CNTN5: variants seen among roughly 807,000 people sequenced by gnomAD.
CNTN5 encodes contactin-5.
A neutral mutation model predicts 129.1 loss-of-function variants in CNTN5; 77 were observed. That is an observed-to-expected ratio of 0.60 (90% CI 0.50 to 0.72). The LOEUF is 0.72. CNTN5 is among the 30% of genes least tolerant of loss of function. The pLI, the probability that CNTN5 is intolerant of heterozygous loss-of-function variation, is 0.00. For synonymous variants in CNTN5, 509 were observed against 465.6 expected, an observed-to-expected ratio of 1.09 and a Z score of -1.20; for missense variants, 1,478 against 1,328.8, an observed-to-expected ratio of 1.11 and a Z score of -1.75.
chr11:99,196,550 C>G (rs1004223736), intron 1 of CNTN5, among the ~76,000 whole-genome samples: 6 of 151,982 alleles, frequency 3.9e-5, no homozygotes, highest in African/African-American at 4.8e-5. Context: ...TTCAGTTGTA[C>G]AAGCAAAATT....
chr11:100,184,150 T>C (rs1948224725), intron 13 of CNTN5, among the ~76,000 whole-genome samples: 1 of 152,178 alleles, frequency 6.6e-6, no homozygotes, highest in South Asian at 2.1e-4. Flanking sequence ...CTATTTCCTT[T>C]TTAACATTTA....
intron 6 of CNTN5, 81 bp from the exon 7 acceptor site, chr11:99,915,973 G>T: frequency 9.2e-7 from 1 of 1,092,230 alleles, no homozygotes. Context: ...GATAACGATA[G>T]AAAGTAAGTA....
At chr11:99,353,825 C>G (rs1369706943) in intron 2 of CNTN5, among the ~76,000 whole-genome samples, 5 of 152,150 alleles carry the variant, frequency 3.3e-5, no homozygotes, top group Non-Finnish European at 7.4e-5. Flanking sequence ...TGTGTTTGCA[C>G]TCACCATCAT....
chr11:99,060,333 A>C, intron 1 of CNTN5, among the ~76,000 whole-genome samples: 1 of 152,278 alleles, frequency 6.6e-6, no homozygotes, highest in Middle Eastern at 3.4e-3. Context: ...AGAAATATAC[A>C]GAATTTTAAA....
intron 6 of CNTN5, among the ~76,000 whole-genome samples, chr11:99,869,094 A>T (rs2135802919): frequency 6.6e-6 from 1 of 152,328 alleles, no homozygotes; most frequent in East Asian, 1.9e-4. Context: ...CTTTTTAAAA[A>T]ATAAAACTCG....
chr11:99,711,922 A>C (rs1158308699), intron 3 of CNTN5, among the ~76,000 whole-genome samples: 1 of 152,018 alleles, frequency 6.6e-6, no homozygotes, highest in Non-Finnish European at 1.5e-5. Context: ...TGCTATTGTG[A>C]ATCGTGCTGC....
chr11:99,296,145 G>A (rs1864380245), intron 1 of CNTN5, among the ~76,000 whole-genome samples: 1 of 152,154 alleles, frequency 6.6e-6, no homozygotes. Context: ...GAGAGTAGAA[G>A]CCTTGATCTG....
intron 2 of CNTN5, among the ~76,000 whole-genome samples, chr11:99,359,715 G>C (rs1938968485): frequency 6.6e-6 from 1 of 151,856 alleles, no homozygotes; most frequent in African/African-American, 2.4e-5. Context: ...ATATGCATGA[G>C]TCTCAAGATA....
intron 2 of CNTN5, among the ~76,000 whole-genome samples, chr11:99,363,954 G>A (rs1427235295): frequency 6.6e-6 from 1 of 152,000 alleles, no homozygotes; most frequent in Non-Finnish European, 1.5e-5. Context: ...TAATTAGAGT[G>A]TAATTATAAA....
chr11:99,432,389 A>C (rs1943407995), intron 2 of CNTN5, among the ~76,000 whole-genome samples: 1 of 151,700 alleles, frequency 6.6e-6, no homozygotes, highest in Admixed American at 6.6e-5. Flanking sequence ...TACGTAGAAG[A>C]TTTAACCAGA....
At chr11:99,279,026 T>C (rs1863576612) in intron 1 of CNTN5, among the ~76,000 whole-genome samples, 1 of 151,756 alleles carries the variant, frequency 6.6e-6, no homozygotes, top group African/African-American at 2.4e-5. Context: ...CATATTATAA[T>C]GAAGAATCCA....
Position 99,740,457 on chromosome 11 carries a change from AACTC to A in CNTN5, c.56-79085_56-79082del, listed in dbSNP as rs370014631. Among the ~76,000 whole-genome samples, 349 of 152,274 alleles carry A rather than the reference AACTC, an allele frequency of 2.3e-3. 2 individuals carry two copies. Among genetic ancestry groups the A allele is most frequent in the African/African-American group, 8.0e-3 (334 of 41,550 alleles). On this transcript the variant is annotated intron_variant, in intron 3 of 24. Coordinates refer to ENST00000524871, the MANE Select transcript of CNTN5 (RefSeq NM_014361.4). ...TATAAATAAGATTTATGTTTTGAGA[AACTC>A]AAGTAAGAAAGCAGGAATGGAATTA...
chr11:100,045,119 T>G (rs1285858007), intron 9 of CNTN5, among the ~76,000 whole-genome samples: 1 of 151,138 alleles, frequency 6.6e-6, no homozygotes, highest in Non-Finnish European at 1.5e-5. Context: ...CCATATTACT[T>G]TTTTTTTTCT....
At chr11:99,838,751 C>G (rs772667395) in intron 4 of CNTN5, among the ~76,000 whole-genome samples, 1 of 152,166 alleles carries the variant, frequency 6.6e-6, no homozygotes, top group African/African-American at 2.4e-5. Flanking sequence ...TCGGCCTCTC[C>G]ACAGCCTGAA....
chr11:100,351,473 T>G (rs1952410338), intron 24 of CNTN5, among the ~76,000 whole-genome samples: 2 of 151,210 alleles, frequency 1.3e-5, no homozygotes, highest in Admixed American at 6.6e-5. Context: ...AGAAAACATT[T>G]AAGTAACTTG....
chr11:99,033,391 T>C (rs1319581802), intron 1 of CNTN5, among the ~76,000 whole-genome samples: 2 of 151,926 alleles, frequency 1.3e-5, no homozygotes, highest in Non-Finnish European at 2.9e-5. Context: ...TGATTCTTCC[T>C]ACCCATGAGC....
intron 2 of CNTN5, among the ~76,000 whole-genome samples, chr11:99,399,954 A>T (rs1941715052): frequency 6.6e-6 from 1 of 152,136 alleles, no homozygotes; most frequent in Admixed American, 6.6e-5. Flanking sequence ...ACATCATGGA[A>T]AATGGAGTAT....
At chr11:100,204,070 A>G (rs949837592) in intron 15 of CNTN5, among the ~76,000 whole-genome samples, 1 of 151,362 alleles carries the variant, frequency 6.6e-6, no homozygotes, top group Admixed American at 6.6e-5. Flanking sequence ...TCCCGCCACC[A>G]GGATCTATGC....
chr11:99,866,981 G>T (rs770433649), intron 6 of CNTN5, among the ~76,000 whole-genome samples: 5 of 152,170 alleles, frequency 3.3e-5, no homozygotes, highest in Admixed American at 6.5e-5. Context: ...ACAATTTTAG[G>T]TGTGTGGAAA....
Sources: gnomAD v4.1 joint callset for allele counts (sites outside exome capture counted in the v4.1 genomes callset) on GRCh38, gnomAD v4.1.1 for gene constraint, MANE v1.5 for transcripts, NCBI Gene and HGNC (gene_info 2026-07-23, HGNC 2026-07-21) for gene names.